Variants in COPA observed in about 807,000 individuals in gnomAD.
The protein encoded by COPA is coat protein complex I subunit alpha.
Under a neutral mutation model 158.7 loss-of-function variants are expected in COPA, and 10 were observed. The ratio of observed to expected loss-of-function variants is 0.06; its 90% CI spans 0.04 to 0.11. The LOEUF is 0.11. Among genes scored for constraint, COPA ranks in the 10% least tolerant of loss-of-function variants. COPA has a pLI of 1.00. For missense variants in COPA, 1,065 were observed against 1,536.7 expected, an observed-to-expected ratio of 0.69 and a Z score of 5.13; for synonymous variants, 462 against 542.8, an observed-to-expected ratio of 0.85 and a Z score of 2.07.
In COPA at chr1:160,292,535, T is replaced by A. The variant is rs199945391; in HGVS notation, c.2909A>T (p.Tyr970Phe). ...LQTYARGRTT[Y>F]QALPCLPSMY... ...GGAGGGTAGGCAGGGCAGAGCCTGA[T>A]AGGTTGTGCGGCCTCGGGCGTATGT... The change falls in exon 28 of 33, where the codon TAT becomes TTT. Residue 970 changes from tyrosine (Y) to phenylalanine (F), a missense_variant. Transcript: ENST00000241704. 25 of 1,613,996 alleles carry A rather than the reference T, an allele frequency of 1.5e-5. No homozygotes were observed. In the East Asian group the frequency reaches 5.6e-4, roughly 36 times the overall value.
rs1431337221 is a variant in COPA, at chr1:160,289,205, T to G, written c.*952A>C. On this transcript the variant is annotated 3_prime_UTR_variant, in exon 33 of 33. Transcript: ENST00000241704. ...AAAAATTATTACTGGAAGGAAGATA[T>G]GTACTTTGGTGGGGTGCCTGCATGG... 2.0e-5 allele frequency: 3 copies of G among 151,900 alleles called. No individual in the cohort carries two copies. Among genetic ancestry groups the G allele is most frequent in the Non-Finnish European group, 2.9e-5 (2 of 68,020 alleles). 9.4% of individuals were successfully genotyped at this position (151,900 alleles called of 1,614,324 possible).
intron 8 of COPA, chr1:160,317,392 A>G: frequency 6.2e-7 from 1 of 1,604,146 alleles, no homozygotes; most frequent in Non-Finnish European, 8.5e-7. Context: ...GGGTGAAGCC[A>G]CTGTCATCAT....
chr1:160,340,103 A>G lies in COPA; in HGVS notation c.154+78T>C, dbSNP rs1377456169. On this transcript the variant is annotated intron_variant, in intron 2 of 32. Transcript: ENST00000241704. Reference sequence around the variant, plus strand: ...ACATTCTTTAATCATAGAGGAATCCATGTCAAACAAGGCTTAAAATACCCC... The same window carrying G: ...ACATTCTTTAATCATAGAGGAATCCGTGTCAAACAAGGCTTAAAATACCCC... The G allele has an allele frequency of 6.1e-6, 9 of 1,484,688 alleles. No individual in the cohort carries two copies. The African/African-American group carries it at 1.2e-4, about 21-fold the overall frequency. 92.0% of individuals were successfully genotyped at this position (1,484,688 alleles called of 1,614,324 possible).
chr1:160,326,716 C>G (rs59703550), intron 6 of COPA, among the ~76,000 whole-genome samples: 4,853 of 152,256 alleles, frequency 0.032, 265 homozygotes, highest in African/African-American at 0.11. Context: ...CTACTTGACT[C>G]TTGGACGAAG....
Position 160,292,606 on chromosome 1 carries a change from T to C in COPA, c.2838A>G (p.Gln946=), listed in dbSNP as rs773479564. 8 of 1,606,340 alleles carry C rather than the reference T, an allele frequency of 5.0e-6. No homozygotes were observed. Among genetic ancestry groups the C allele is most frequent in the Non-Finnish European group, 5.9e-6 (7 of 1,177,332 alleles). ...AGGGGCCAAACTGGATTACCCCTACTTGGTCATGAAGGAGCTGGAACAGAA... is the reference window on the plus strand; with the variant it reads ...AGGGGCCAAACTGGATTACCCCTACCTGGTCATGAAGGAGCTGGAACAGAA... The part of the protein sequence containing the change: ...FETAMRLLHD[Q]VGVIQFGPYK... Residue 946 remains glutamine (Q), a synonymous_variant, in exon 28 of 33, where the codon CAA becomes CAG. Coordinates refer to ENST00000241704, the MANE Select transcript of COPA (RefSeq NM_004371.4).
chr1:160,298,158 G>A (rs1160389720), intron 19 of COPA, among the ~76,000 whole-genome samples: 1 of 150,898 alleles, frequency 6.6e-6, no homozygotes, highest in Non-Finnish European at 1.5e-5. Context: ...TCCAGCCTGG[G>A]CAACAAGAGC....
At chr1:160,310,972 A>G (rs977151981) in intron 11 of COPA, among the ~76,000 whole-genome samples, 1 of 152,208 alleles carries the variant, frequency 6.6e-6, no homozygotes, top group Non-Finnish European at 1.5e-5. Flanking sequence ...GAGACCCAGC[A>G]AATTGTGGCA....
At chr1:160,304,374 G>A (rs946144094) in intron 17 of COPA, among the ~76,000 whole-genome samples, 5 of 150,872 alleles carry the variant, frequency 3.3e-5, no homozygotes, top group African/African-American at 1.2e-4. Context: ...ACTTTGAAAA[G>A]CAGTTTCACA....
At chr1:160,304,414 C>T (rs1014354782) in intron 17 of COPA, among the ~76,000 whole-genome samples, 5 of 151,676 alleles carry the variant, frequency 3.3e-5, no homozygotes, top group African/African-American at 1.2e-4. Flanking sequence ...GCCTGTAATC[C>T]CAGCACTTTG....
At chr1:160,329,807 CA>C (rs989190574) in intron 6 of COPA, among the ~76,000 whole-genome samples, 2 of 152,172 alleles carry the variant, frequency 1.3e-5, no homozygotes, top group Non-Finnish European at 2.9e-5. Flanking sequence ...TCCAGGTTGA[CA>C]AAGGATATTC....
intron 17 of COPA, among the ~76,000 whole-genome samples, chr1:160,300,114 T>A (rs1658548232): frequency 6.6e-6 from 1 of 151,524 alleles, no homozygotes; most frequent in African/African-American, 2.4e-5. Context: ...CCGAGGCGGG[T>A]AGATCACATG....
rs1394337567 is a variant in COPA, at chr1:160,339,846, A to G, written c.228+63T>C. 4.7e-6 allele frequency: 7 copies of G among 1,479,600 alleles called. No individual in the cohort carries two copies. In the African/African-American group the frequency reaches 7.0e-5, roughly 15 times the overall value. 91.7% of individuals were successfully genotyped at this position (1,479,600 alleles called of 1,614,324 possible). On this transcript the variant is annotated intron_variant, in intron 3 of 32. Coordinates refer to ENST00000241704, the MANE Select transcript of COPA (RefSeq NM_004371.4). ...AATTTCCTGTCTTTCAGTTCCTTTC[A>G]TGATTCCCAAACCTTCCCACATCCT...
chr1:160,325,935 T>C (rs1659477029), intron 6 of COPA, among the ~76,000 whole-genome samples: 1 of 152,248 alleles, frequency 6.6e-6, no homozygotes, highest in South Asian at 2.1e-4. Flanking sequence ...TAACCTCTTC[T>C]TCCACAAATC....
At chr1:160,321,180 G>A (rs944683785) in intron 8 of COPA, among the ~76,000 whole-genome samples, 2 of 152,118 alleles carry the variant, frequency 1.3e-5, no homozygotes, top group African/African-American at 2.4e-5. Context: ...AACATGGGTA[G>A]AGAAAGAGCA....
chr1:160,309,032 T>C lies in COPA; in HGVS notation c.1219+69A>G, dbSNP rs1658879758. 9.4e-6 allele frequency: 12 copies of C among 1,282,928 alleles called. No individual in the cohort carries two copies. The Admixed American group carries it at 1.9e-4, about 20-fold the overall frequency. The allele number at this position is 1,282,928 out of a possible 1,614,324, so 79.5% of individuals were successfully genotyped here. ...GGCTTGGGGATGGAATGTGAAAAAC[T>C]TGAAGAGGAGTTATGATGCGGGTGA... On this transcript the variant is annotated intron_variant, in intron 13 of 32. Coordinates refer to ENST00000241704, the MANE Select transcript of COPA (RefSeq NM_004371.4).
chr1:160,340,323 GCTAA>G, intron 1 of COPA, 29 bp from the exon 2 acceptor site: 1 of 1,412,668 alleles, frequency 7.1e-7, no homozygotes, highest in East Asian at 2.3e-5. Flanking sequence ...GATACAATGA[GCTAA>G]CTAAGCCCCA....
chr1:160,306,938 GGTTCTT>G (rs1187022866), intron 14 of COPA, among the ~76,000 whole-genome samples: 3 of 152,180 alleles, frequency 2.0e-5, no homozygotes, highest in African/African-American at 7.2e-5. Flanking sequence ...ACTTTAGCTT[GGTTCTT>G]AAACCCAGAG....
Position 160,309,544 on chromosome 1 carries a change from C to A in COPA, c.1144-368G>T, listed in dbSNP as rs1490017615. ...ACCTCTGGAAAGGAAAAAAAAAAGA[C>A]ATCAAAGAAAAGACACTATAGGAAT... On this transcript the variant is annotated intron_variant, in intron 12 of 32. Transcript: ENST00000241704. 1.3e-5 allele frequency among the ~76,000 whole-genome samples: 2 copies of A among 151,028 alleles called. 1 individual carries two copies. Among genetic ancestry groups the A allele is most frequent in the East Asian group, 3.9e-4 (2 of 5,172 alleles).
chr1:160,337,575 C>T (rs990408219), intron 3 of COPA, among the ~76,000 whole-genome samples: 73 of 152,050 alleles, frequency 4.8e-4, no homozygotes, highest in African/African-American at 1.4e-3. Context: ...CAAAATTAGC[C>T]GGGCTTGGTG....
Sources: gnomAD v4.1 joint callset for allele counts (sites outside exome capture counted in the v4.1 genomes callset) on GRCh38, gnomAD v4.1.1 for gene constraint, MANE v1.5 for transcripts, NCBI Gene and HGNC (gene_info 2026-07-23, HGNC 2026-07-21) for gene names.